Variants in STXBP6 observed in about 807,000 individuals in gnomAD.
The protein encoded by STXBP6 is syntaxin binding protein 6.
STXBP6 carries 21 observed loss-of-function variants against 26.9 expected under a neutral mutation model. That is an observed-to-expected ratio of 0.78 (90% CI 0.55 to 1.12). STXBP6 has a LOEUF of 1.12. STXBP6 is among the 50% of genes most tolerant of loss of function. The pLI, the probability that STXBP6 is intolerant of heterozygous loss-of-function variation, is 0.00. For missense variants in STXBP6, 232 were observed against 257.9 expected (o/e 0.90, Z 0.69); for synonymous variants, 97 against 92.6 (o/e 1.05, Z -0.27).
intron 2 of STXBP6, among the ~76,000 whole-genome samples, chr14:24,877,195 T>A (rs1413341020): frequency 2.0e-5 from 3 of 152,208 alleles, no homozygotes; most frequent in African/African-American, 7.2e-5. Context: ...TGGCTGGACA[T>A]CTGCTAATTG....
At chr14:24,845,137 G>A (rs2068915805) in intron 4 of STXBP6, among the ~76,000 whole-genome samples, 1 of 151,372 alleles carries the variant, frequency 6.6e-6, no homozygotes, top group African/African-American at 2.4e-5. Flanking sequence ...TCAGCCTCCC[G>A]AGTAGCTGCG....
intron 1 of STXBP6, among the ~76,000 whole-genome samples, chr14:24,991,410 G>A (rs1274582494): frequency 6.6e-6 from 1 of 152,200 alleles, no homozygotes; most frequent in Non-Finnish European, 1.5e-5. Flanking sequence ...AGGCCTAACA[G>A]CTGCCCCAAT....
At chr14:24,968,759 G>A (rs1234666710) in intron 2 of STXBP6, among the ~76,000 whole-genome samples, 1 of 152,092 alleles carries the variant, frequency 6.6e-6, no homozygotes, top group Non-Finnish European at 1.5e-5. Flanking sequence ...AAAATCAGAT[G>A]TTTGACCATG....
chr14:24,923,319 C>T (rs913229494), intron 2 of STXBP6, among the ~76,000 whole-genome samples: 2 of 152,052 alleles, frequency 1.3e-5, no homozygotes, highest in African/African-American at 4.8e-5. Context: ...ATCAATGTAG[C>T]TTTAGTTATT....
At chr14:24,852,608 A>G (rs2069192651) in intron 4 of STXBP6, among the ~76,000 whole-genome samples, 1 of 152,132 alleles carries the variant, frequency 6.6e-6, no homozygotes, top group Admixed American at 6.6e-5. Flanking sequence ...AAAAAGCAAG[A>G]TGATTTTAAA....
chr14:25,036,217 A>C (rs1343051266), intron 1 of STXBP6, among the ~76,000 whole-genome samples: 5 of 44,902 alleles, frequency 1.1e-4, no homozygotes, highest in Non-Finnish European at 1.5e-4. Flanking sequence ...ACTCCATCAA[A>C]AAAAAAAAAA....
At chr14:24,998,503 C>G (rs1311824408) in intron 1 of STXBP6, among the ~76,000 whole-genome samples, 1 of 152,102 alleles carries the variant, frequency 6.6e-6, no homozygotes, top group Non-Finnish European at 1.5e-5. Context: ...CAGGGAATAA[C>G]AAAAGCTCTT....
chr14:25,023,502 T>C (rs970184401), intron 1 of STXBP6, among the ~76,000 whole-genome samples: 1 of 152,166 alleles, frequency 6.6e-6, no homozygotes, highest in Non-Finnish European at 1.5e-5. Context: ...GGAGAGGCTG[T>C]CAAGGGACAT....
chr14:24,858,490 G>A (rs759576717), intron 2 of STXBP6, among the ~76,000 whole-genome samples: 34 of 152,018 alleles, frequency 2.2e-4, no homozygotes, highest in Non-Finnish European at 4.7e-4. Flanking sequence ...CATTATTTCA[G>A]TTATATTTGC....
chr14:24,873,009 T>A (rs919220535), intron 2 of STXBP6, among the ~76,000 whole-genome samples: 5 of 152,248 alleles, frequency 3.3e-5, no homozygotes, highest in African/African-American at 1.2e-4. Context: ...TGCCAGGTTG[T>A]TTTTTATTTG....
At chr14:24,977,941 A>T (rs2074092727) in intron 1 of STXBP6, among the ~76,000 whole-genome samples, 1 of 152,230 alleles carries the variant, frequency 6.6e-6, no homozygotes, top group Non-Finnish European at 1.5e-5. Context: ...TCTTTAGGAT[A>T]CTCACTAGGA....
At chr14:24,939,842 T>C (rs913020512) in intron 2 of STXBP6, among the ~76,000 whole-genome samples, 1 of 152,242 alleles carries the variant, frequency 6.6e-6, no homozygotes, top group African/African-American at 2.4e-5. Context: ...GTAGACTTCA[T>C]GGCACAATTT....
At chr14:24,834,538 A>T (rs559882881) in intron 4 of STXBP6, among the ~76,000 whole-genome samples, 20 of 152,356 alleles carry the variant, frequency 1.3e-4, no homozygotes, top group African/African-American at 4.1e-4. Context: ...CTTTTAAGGT[A>T]TGTGACTCTT....
chr14:25,044,086 G>A lies in STXBP6; in HGVS notation c.-33+5792C>T, dbSNP rs561055452. Among the ~76,000 whole-genome samples the A allele has an allele frequency of 1.3e-3, 197 of 148,448 alleles. 1 individual carries two copies. Among genetic ancestry groups the A allele is most frequent in the African/African-American group, 4.8e-3 (192 of 40,170 alleles). ...CTCGGGAACCCAAGGTGGGAGGATTGCTTGAGCCTGGGAGGTCGAGGCTGC... is the reference window on the plus strand; with the variant it reads ...CTCGGGAACCCAAGGTGGGAGGATTACTTGAGCCTGGGAGGTCGAGGCTGC... On this transcript the variant is annotated intron_variant, in intron 1 of 5. Transcript: ENST00000323944.
At chr14:24,847,182 T>C (rs2068992340) in intron 4 of STXBP6, among the ~76,000 whole-genome samples, 1 of 152,180 alleles carries the variant, frequency 6.6e-6, no homozygotes, top group South Asian at 2.1e-4. Flanking sequence ...GCATCACTCA[T>C]TAGCTGTGTT....
At chr14:24,977,170 G>A (rs987246221) in intron 1 of STXBP6, among the ~76,000 whole-genome samples, 23 of 151,946 alleles carry the variant, frequency 1.5e-4, no homozygotes, top group African/African-American at 5.3e-4. Context: ...TGTCTCACCC[G>A]GTGTTCTCGG....
intron 1 of STXBP6, among the ~76,000 whole-genome samples, chr14:25,024,452 A>C (rs1000020753): frequency 3.3e-5 from 5 of 152,204 alleles, no homozygotes; most frequent in African/African-American, 9.6e-5. Flanking sequence ...AAAGGTAGTA[A>C]GTTCAAGAAC....
intron 2 of STXBP6, among the ~76,000 whole-genome samples, chr14:24,944,991 C>T (rs979318501): frequency 6.6e-6 from 1 of 152,018 alleles, no homozygotes; most frequent in Non-Finnish European, 1.5e-5. Flanking sequence ...AGACTCAGTG[C>T]TCTCCAAGGC....
intron 2 of STXBP6, among the ~76,000 whole-genome samples, chr14:24,930,466 T>C (rs1338983276): frequency 1.3e-5 from 2 of 152,184 alleles, no homozygotes; most frequent in Non-Finnish European, 2.9e-5. Flanking sequence ...TATGGTGACC[T>C]GTTAGGGGAA....
Sources: allele counts gnomAD v4.1 joint callset (sites outside exome capture counted in the v4.1 genomes callset), GRCh38; gene constraint gnomAD v4.1.1; transcripts MANE v1.5; gene names NCBI Gene and HGNC (gene_info 2026-07-23, HGNC 2026-07-21).